TMEM45B: variants seen among roughly 807,000 people sequenced by gnomAD.
TMEM45B encodes the protein transmembrane protein 45B.
A neutral mutation model predicts 27.3 loss-of-function variants in TMEM45B; 29 were observed. That is an observed-to-expected ratio of 1.06 (90% CI 0.79 to 1.45). The LOEUF (loss-of-function observed/expected upper bound fraction) is 1.45. TMEM45B is among the 40% of genes most tolerant of loss of function. The probability of loss-of-function intolerance (pLI) is 0.00; values close to 1 mark genes in which losing one functional copy is unlikely to be tolerated. For synonymous variants in TMEM45B, 143 were observed against 134.7 expected (o/e 1.06, Z -0.43); for missense variants, 348 against 343.9 (o/e 1.01, Z -0.09).
At chr11:129,847,109 T>C (rs1947770585) in intron 1 of TMEM45B, among the ~76,000 whole-genome samples, 1 of 152,208 alleles carries the variant, frequency 6.6e-6, no homozygotes, top group South Asian at 2.1e-4. Context: ...GGAGAGGCTG[T>C]GAGAGAGCTC....
At position 129,852,612 on chromosome 11, in the gene TMEM45B, C is replaced by T. The variant is rs555797773; in HGVS notation, c.130C>T (p.Arg44Cys). The change falls in exon 2 of 6, where the codon CGT becomes TGT. Residue 44 changes from arginine to cysteine, a missense_variant. Physicochemically the swap from Arg to Cys is radical, Grantham distance 180 (BLOSUM62 -3). Transcript: ENST00000281441. ...RKNSPLHYYQ[R>C]LEIVEAAIRT... The stretch of plus-strand genomic sequence containing the variant: ...GAACAGCCCACTACATTACTATCAG[C>T]GTCTCGAGATCGTCGAAGCCGCAAT... 1.4e-5 allele frequency: 22 copies of T among 1,612,624 alleles called. No homozygotes were observed. In the South Asian group the frequency reaches 1.6e-4, roughly 12 times the overall value.
In TMEM45B at chr11:129,841,598, T is replaced by TG. The variant is rs1308687167; in HGVS notation, c.-8-10877_-8-10876insG. On this transcript the variant is annotated intron_variant, in intron 1 of 5. Transcript: ENST00000281441. ...AGTTTTCTTTTGTTTTTTTGTTTTTTTTTTTTTTTTGGAGACAAGAGTCTC... is the reference window on the plus strand; with the variant it reads ...AGTTTTCTTTTGTTTTTTTGTTTTTTGTTTTTTTTTTGGAGACAAGAGTCTC... Among the ~76,000 whole-genome samples the TG allele has an allele frequency of 4.8e-5, 7 of 145,848 alleles. No individual in the cohort carries two copies. In the East Asian group the frequency reaches 1.4e-3, roughly 29 times the overall value.
intron 1 of TMEM45B, chr11:129,828,250 G>C (rs1025749409): frequency 5.3e-5 from 8 of 152,198 alleles, no homozygotes; most frequent in African/African-American, 1.9e-4. Flanking sequence ...AAACGAGCTG[G>C]GAGGTAACAG....
intron 1 of TMEM45B, among the ~76,000 whole-genome samples, chr11:129,837,600 T>TTTTTTTTTTTTTTTTTTTTTTTTTTTTTA (rs1591441385): frequency 7.5e-6 from 1 of 133,256 alleles, no homozygotes; most frequent in African/African-American, 2.7e-5. Flanking sequence ...TTTTTTTTTT[T>TTTTTTTTTTTTTTTTTTTTTTTTTTTTTA]GAGACAGGGT....
At chr11:129,823,436 C>T (rs1318190688) in intron 1 of TMEM45B, among the ~76,000 whole-genome samples, 1 of 152,170 alleles carries the variant, frequency 6.6e-6, no homozygotes, top group Non-Finnish European at 1.5e-5. Flanking sequence ...GCGACTTCAA[C>T]AAAGACTGCA....
intron 1 of TMEM45B, among the ~76,000 whole-genome samples, chr11:129,835,333 G>A (rs1197506241): frequency 6.6e-6 from 1 of 152,184 alleles, no homozygotes; most frequent in Non-Finnish European, 1.5e-5. Flanking sequence ...CAGCAAGTCG[G>A]GAACAGAGAT....
rs191721936 is a variant in TMEM45B at position 129,820,184 on chromosome 11, A to T, written c.-9+4286A>T. Among the ~76,000 whole-genome samples the T allele has an allele frequency of 3.4e-3, 510 of 152,124 alleles. 5 individuals are homozygous for T. Among genetic ancestry groups the T allele is most frequent in the African/African-American group, 0.012 (482 of 41,518 alleles). ...CAAAAAATCAGCCGGGCGTGCTAGC[A>T]GGCGCCTATAGTCCCAGCTACTCAG... On this transcript the variant is annotated intron_variant, in intron 1 of 5. Coordinates refer to ENST00000281441, the MANE Select transcript of TMEM45B (RefSeq NM_138788.5).
At chr11:129,843,913 C>G (rs1205481113) in intron 1 of TMEM45B, among the ~76,000 whole-genome samples, 2 of 152,140 alleles carry the variant, frequency 1.3e-5, no homozygotes, top group East Asian at 3.9e-4. Flanking sequence ...AAAAATAGAG[C>G]TACCCTATGA....
In TMEM45B at chr11:129,816,815, G is replaced by A. The variant is rs1947358025; in HGVS notation, c.-9+917G>A. Reference sequence around the variant, plus strand: ...TGCAGTGGCGCAATCTCGGATCACTGCAAGCTCCACCTCCCGGGTTCACAC... The same window carrying A: ...TGCAGTGGCGCAATCTCGGATCACTACAAGCTCCACCTCCCGGGTTCACAC... On this transcript the variant is annotated intron_variant, in intron 1 of 5. Coordinates refer to ENST00000281441, the MANE Select transcript of TMEM45B (RefSeq NM_138788.5). Among the ~76,000 whole-genome samples, 3 of 130,226 alleles carry A rather than the reference G, an allele frequency of 2.3e-5. No individual in the cohort carries two copies. In the Admixed American group the frequency reaches 3.0e-4, roughly 13 times the overall value. 85.4% of individuals were successfully genotyped at this position (130,226 alleles called of 152,430 possible).
chr11:129,851,881 A>G (rs1947851080), intron 1 of TMEM45B, among the ~76,000 whole-genome samples: 1 of 152,230 alleles, frequency 6.6e-6, no homozygotes, highest in Non-Finnish European at 1.5e-5. Context: ...CCAAAACTTT[A>G]TAAAATTATT....
At chr11:129,839,634 G>T (rs1258474156) in intron 1 of TMEM45B, among the ~76,000 whole-genome samples, 4 of 152,144 alleles carry the variant, frequency 2.6e-5, no homozygotes, top group African/African-American at 9.7e-5. Flanking sequence ...CAACCTCACA[G>T]GCTCAAGCAA....
intron 1 of TMEM45B, among the ~76,000 whole-genome samples, chr11:129,851,335 G>C (rs1251675481): frequency 6.6e-6 from 1 of 151,726 alleles, no homozygotes; most frequent in Non-Finnish European, 1.5e-5. Context: ...CCTAAGGTCA[G>C]GAGTTCGAGA....
chr11:129,857,435 C>T lies in TMEM45B; in HGVS notation c.693C>T (p.Ala231=), dbSNP rs1256269791. 4 of 1,614,122 alleles carry T rather than the reference C, an allele frequency of 2.5e-6. No homozygotes were observed. The highest frequency in any genetic ancestry group is 1.7e-5 in the Admixed American group (1 of 60,002). ...WHYLAALSIV[A]VNYSLVYCLL... Reference sequence around the variant, plus strand: ...ACCTGGCTGCCCTCAGCATTGTGGCCGTCAACTATTCTCTTGTTTACTGGT... The same window carrying T: ...ACCTGGCTGCCCTCAGCATTGTGGCTGTCAACTATTCTCTTGTTTACTGGT... The change falls in exon 5 of 6, where the codon GCC becomes GCT. Residue 231 remains alanine (A), a synonymous_variant. Coordinates refer to ENST00000281441, the MANE Select transcript of TMEM45B (RefSeq NM_138788.5).
rs763642829 is a variant in TMEM45B at position 129,854,733 on chromosome 11, T to C, written c.302T>C (p.Ile101Thr). Residue 101 changes from isoleucine to threonine, a missense_variant, in exon 3 of 6, where the codon ATT becomes ACT. Physicochemically the swap from Ile to Thr is moderately conservative, Grantham distance 89. Coordinates refer to ENST00000281441, the MANE Select transcript of TMEM45B (RefSeq NM_138788.5). ...TMYLFFAVSG[I>T]VDMLTYLVSH... ...TACCTATTCTTTGCAGTCTCAGGAA[T>C]TGTTGACATGCTCACCTATCTGGTC... 1.9e-6 allele frequency: 3 copies of C among 1,614,236 alleles called. No homozygotes were observed. Among genetic ancestry groups the C allele is most frequent in the Admixed American group, 3.3e-5 (2 of 60,030 alleles).
At chr11:129,846,205 C>T (rs898406593) in intron 1 of TMEM45B, among the ~76,000 whole-genome samples, 45 of 152,292 alleles carry the variant, frequency 3.0e-4, no homozygotes, top group African/African-American at 8.4e-4. Flanking sequence ...CGGTGGCTCA[C>T]GCCTGTAATC....
rs1355077098 is a variant in TMEM45B at position 129,858,643 on chromosome 11, C to T, written c.786C>T (p.Asp262=). ...IIGIQKLNSD[D]TYQTALLSGS... ...GAATTCAGAAGCTGAATTCAGATGA[C>T]ACTTACCAGACCGCCCTCTTGAGTG... The change falls in exon 6 of 6, where the codon GAC becomes GAT. Residue 262 remains aspartate (D), a synonymous_variant. Transcript: ENST00000281441. 13 of 1,579,052 alleles carry T rather than the reference C, an allele frequency of 8.2e-6. No individual in the cohort carries two copies. Among genetic ancestry groups the T allele is most frequent in the Non-Finnish European group, 1.1e-5 (13 of 1,161,186 alleles).
At chr11:129,820,605 C>A (rs1046492848) in intron 1 of TMEM45B, among the ~76,000 whole-genome samples, 3 of 152,150 alleles carry the variant, frequency 2.0e-5, no homozygotes, top group African/African-American at 7.2e-5. Flanking sequence ...TATGGACGGG[C>A]ACGCCAGGTC....
intron 1 of TMEM45B, among the ~76,000 whole-genome samples, chr11:129,830,235 G>A (rs775595147): frequency 7.9e-5 from 12 of 152,206 alleles, no homozygotes; most frequent in Admixed American, 2.6e-4. Flanking sequence ...GCTGAGGTGG[G>A]AGAATTGCTT....
In TMEM45B at chr11:129,852,653, C is replaced by T. The variant is rs573744986; in HGVS notation, c.171C>T (p.Ser57=). Reference sequence around the variant, plus strand: ...AAGCCGCAATTAGGACTTTGTTTTCCGTCACTGGTAAGAGCAGGGGTCATT... The same window carrying T: ...AAGCCGCAATTAGGACTTTGTTTTCTGTCACTGGTAAGAGCAGGGGTCATT... The part of the protein sequence containing the change: ...IVEAAIRTLF[S]VTGILAEQFV... The change falls in exon 2 of 6, where the codon TCC becomes TCT. Residue 57 remains serine, a synonymous_variant. Transcript: ENST00000281441. The T allele has an allele frequency of 9.4e-6, 15 of 1,604,196 alleles. No individual in the cohort carries two copies. Among genetic ancestry groups the T allele is most frequent in the South Asian group, 2.2e-5 (2 of 90,868 alleles).
Sources: gnomAD v4.1 joint callset for allele counts (sites outside exome capture counted in the v4.1 genomes callset) on GRCh38, gnomAD v4.1.1 for gene constraint, MANE v1.5 for transcripts, NCBI Gene and HGNC (gene_info 2026-07-23, HGNC 2026-07-21) for gene names.